The following TAF1C variants were observed in gnomAD, a reference collection of about 807,000 sequenced individuals.
The protein encoded by TAF1C is TATA-box binding protein associated factor, RNA polymerase I subunit C, also known as TATA box-binding protein-associated factor RNA polymerase I subunit C.
A neutral mutation model predicts 70.5 loss-of-function variants in TAF1C; 79 were observed. That is an observed-to-expected ratio of 1.12 (90% CI 0.93 to 1.35). TAF1C has a LOEUF of 1.35. Ranked by LOEUF, TAF1C falls within the 40% of genes most tolerant of loss-of-function variation. The pLI is 0.00. For synonymous variants in TAF1C, 614 were observed against 491.1 expected, an observed-to-expected ratio of 1.25 and a Z score of -3.31; for missense variants, 1,412 against 1,127.8, an observed-to-expected ratio of 1.25 and a Z score of -3.61.
rs770505773 is a variant in TAF1C, at chr16:84,183,401, C to T, written c.318+9G>A. 10 of 1,612,834 alleles carry T rather than the reference C, an allele frequency of 6.2e-6. No homozygotes were observed. The East Asian group carries it at 1.1e-4, about 18-fold the overall frequency. ...GCTACGCAGCACTGTCCCCCGTGGG[C>T]CCACTCACCTGCTCAGTCACATCCA... On this transcript the variant is annotated intron_variant, in intron 4 of 14. Coordinates refer to ENST00000566732, the MANE Select transcript of TAF1C (RefSeq NM_001243156.2).
chr16:84,185,094 T>C (rs535443477), intron 1 of TAF1C, 34 bp from the exon 2 acceptor site: 3 of 1,379,992 alleles, frequency 2.2e-6, no homozygotes, highest in Admixed American at 2.6e-5. Flanking sequence ...GGGAAGCATA[T>C]GTTCTTTGAG....
Position 84,179,433 on chromosome 16 carries a change from G to C in TAF1C, c.2040C>G (p.Pro680=). 1.3e-6 allele frequency: 2 copies of C among 1,597,076 alleles called. No individual in the cohort carries two copies. The highest frequency in any genetic ancestry group is 1.7e-6 in the Non-Finnish European group (2 of 1,177,248). The change falls in exon 15 of 15, where the codon CCC becomes CCG. Residue 680 remains proline (P), a synonymous_variant. Coordinates refer to ENST00000566732, the MANE Select transcript of TAF1C (RefSeq NM_001243156.2). ...CCTCTAGGCCTGACTCGGGTGCAGG[G>C]GGTGGCTCTGCCGCAGGGAGGGAGC... The part of the protein sequence containing the change: ...DLGSLPAAEP[P]PAPESGLEDK...
Position 84,181,440 on chromosome 16 carries a change from G to T in TAF1C, c.1052C>A (p.Pro351His). The change falls in exon 11 of 15, where the codon CCT (proline) becomes CAT (histidine). Residue 351 changes from proline (P) to histidine (H), a missense_variant. Pro to His is a moderately conservative substitution (Grantham distance 77, BLOSUM62 -2). Coordinates refer to ENST00000566732, the MANE Select transcript of TAF1C (RefSeq NM_001243156.2). Reference protein sequence around the residue: ...EDGLRQIYRDPETLVFRDSSS... With the variant: ...EDGLRQIYRDHETLVFRDSSS... ...GGAGTCCCGGAACACGAGGGTCTCA[G>T]GGTCCCTGTAGATTTGCCGCAGCCT... 6.2e-7 allele frequency: 1 copy of T among 1,613,834 alleles called. No homozygotes were observed. Among genetic ancestry groups the T allele is most frequent in the South Asian group, 1.1e-5 (1 of 91,084 alleles).
chr16:84,181,767 C>T lies in TAF1C; in HGVS notation c.935G>A (p.Gly312Glu), dbSNP rs747504666. ...TCACCTGAGGCTGATCCCCGTGGCC[C>T]CTTTCTCCACCTGCATTGCCTGCAG... Reference protein sequence around the residue: ...TLLQAMQVEKGATGISLSPHL... With the variant: ...TLLQAMQVEKEATGISLSPHL... Residue 312 changes from glycine to glutamate, a missense_variant, in exon 9 of 15, where the codon GGG (glycine) becomes GAG (glutamate). Transcript: ENST00000566732. The T allele has an allele frequency of 1.2e-6, 2 of 1,614,108 alleles. No individual in the cohort carries two copies. The highest frequency in any genetic ancestry group is 1.7e-6 in the Non-Finnish European group (2 of 1,179,986).
Position 84,182,565 on chromosome 16 carries a change from C to G in TAF1C, c.483-125G>C, listed in dbSNP as rs1190990581. 2.3e-6 allele frequency: 2 copies of G among 887,186 alleles called. No homozygotes were observed. The highest frequency in any genetic ancestry group is 3.4e-6 in the Non-Finnish European group (2 of 594,346). 55.0% of individuals were successfully genotyped at this position (887,186 alleles called of 1,614,324 possible). On this transcript the variant is annotated intron_variant, in intron 6 of 14. Transcript: ENST00000566732. This position sits in a 1 kb window ranked among gnomAD's most constrained non-coding sequence, Gnocchi z 5.0. ...ACCTAGAATTTCTTCCTTTGGGAGA[C>G]CACCCCATCCTGTTCCCATGCCCCG... is the stretch of plus-strand genomic sequence containing the variant.
rs927835368 is a variant in TAF1C, at chr16:84,178,272, T to C, written c.*669A>G. 2.2e-6 allele frequency: 1 copy of C among 452,244 alleles called. No individual in the cohort carries two copies. Among genetic ancestry groups the C allele is most frequent in the South Asian group, 1.6e-5 (1 of 63,744 alleles). The allele number at this position is 452,244 out of a possible 1,614,324, so 28.0% of individuals were successfully genotyped here. On this transcript the variant is annotated 3_prime_UTR_variant, in exon 15 of 15. Coordinates refer to ENST00000566732, the MANE Select transcript of TAF1C (RefSeq NM_001243156.2). The stretch of plus-strand genomic sequence containing the variant: ...CGACAGCCCACAGGTGCCAGACCCA[T>C]GTCCCAAGGGAGAAGGAACATCAGC...
intron 8 of TAF1C, 36 bp downstream of exon 8, chr16:84,181,906 G>T: frequency 1.2e-6 from 2 of 1,614,154 alleles, no homozygotes; most frequent in Non-Finnish European, 1.7e-6. Context: ...TAGCAGGTCA[G>T]CCAGTGAGGG....
rs776326579 is a variant in TAF1C, at chr16:84,181,599, C to T, written c.1021G>A (p.Glu341Lys). The change falls in exon 10 of 15, where the codon GAG becomes AAG. Residue 341 changes from glutamate (E) to lysine (K), a missense_variant. By Grantham distance (56) the Glu-to-Lys change is moderately conservative (BLOSUM62 1). Transcript: ENST00000566732. The stretch of plus-strand genomic sequence containing the variant: ...CACAGGAAGCGGCGATACCCATCCT[C>T]AGGGCTCCACAGGCAGACGGCTCCC... ...RSGAVCLWSPEDGLRQIYRDP... is the reference protein window; with the variant it reads ...RSGAVCLWSPKDGLRQIYRDP... The T allele has an allele frequency of 1.2e-5, 19 of 1,613,864 alleles. No individual in the cohort carries two copies. The highest frequency in any genetic ancestry group is 1.4e-5 in the Non-Finnish European group (17 of 1,179,988).
Position 84,182,939 on chromosome 16 carries a change from TA to T in TAF1C, c.482+136del. The stretch of plus-strand genomic sequence containing the variant: ...ATGATTTGGAGTTGGAAGTCTGGTA[TA>T]AGAAAGTACAGCTCAGACTGCATGG... On this transcript the variant is annotated intron_variant, in intron 6 of 14. Coordinates refer to ENST00000566732, the MANE Select transcript of TAF1C (RefSeq NM_001243156.2). The surrounding 1 kb of genome is among the most constrained non-coding windows in gnomAD (Gnocchi z 5.0). 1 of 833,808 alleles carries T rather than the reference TA, an allele frequency of 1.2e-6. No homozygotes were observed. The highest frequency in any genetic ancestry group is 1.9e-6 in the Non-Finnish European group (1 of 519,766). 51.7% of individuals were successfully genotyped at this position (833,808 alleles called of 1,614,324 possible).
chr16:84,185,066 G>T lies in TAF1C; in HGVS notation c.-72-6C>A. 6.5e-7 allele frequency: 1 copy of T among 1,529,128 alleles called. No homozygotes were observed. Among genetic ancestry groups the T allele is most frequent in the Non-Finnish European group, 8.8e-7 (1 of 1,134,250 alleles). The allele number at this position is 1,529,128 out of a possible 1,614,324, so 94.7% of individuals were successfully genotyped here. A position where few individuals can be genotyped will look rare whatever the true frequency, so the allele number is the denominator to read the frequency against. ...GGTAAGGGGCGCCAGAGTTCCTGAG[G>T]AGTGAAAAGTGCACTACGGGAAGCA... On this transcript the variant is annotated splice_polypyrimidine_tract_variant and splice_region_variant and intron_variant, in intron 1 of 14. Coordinates refer to ENST00000566732, the MANE Select transcript of TAF1C (RefSeq NM_001243156.2).
rs1316400902 is a variant in TAF1C at position 84,178,464 on chromosome 16, T to C, written c.*477A>G. Reference sequence around the variant, plus strand: ...AGGAAACATCAGACCGGGGCAGAGATTGACAAAGCAACCCACAACAGCAGC... The same window carrying C: ...AGGAAACATCAGACCGGGGCAGAGACTGACAAAGCAACCCACAACAGCAGC... On this transcript the variant is annotated 3_prime_UTR_variant, in exon 15 of 15. Coordinates refer to ENST00000566732, the MANE Select transcript of TAF1C (RefSeq NM_001243156.2). The C allele has an allele frequency of 1.1e-4, 52 of 459,086 alleles. 1 individual carries two copies. Among genetic ancestry groups the C allele is most frequent in the South Asian group, 7.0e-4 (45 of 64,574 alleles). 28.4% of individuals were successfully genotyped at this position (459,086 alleles called of 1,614,324 possible). A position where few individuals can be genotyped will look rare whatever the true frequency, so the allele number is the denominator to read the frequency against.
chr16:84,178,961 T>C lies in TAF1C; in HGVS notation c.2512A>G (p.Lys838Glu). 6.2e-7 allele frequency: 1 copy of C among 1,609,286 alleles called. No individual in the cohort carries two copies. The highest frequency in any genetic ancestry group is 8.5e-7 in the Non-Finnish European group (1 of 1,178,912). The change falls in exon 15 of 15, where the codon AAG (lysine) becomes GAG (glutamate). Residue 838 changes from lysine to glutamate, a missense_variant. Transcript: ENST00000566732. ...VLSSSQPLRK[K>E]PRMGF ...TGTCCTCAGAAGCCCATTCGAGGCT[T>C]CTTCCGGAGGGGCTGAGAGCTAGAG...
chr16:84,180,806 C>T (rs1239766902), intron 12 of TAF1C: 10 of 1,358,574 alleles, frequency 7.4e-6, no homozygotes, highest in Admixed American at 6.5e-5. Flanking sequence ...TCCCCTGCTC[C>T]ACCCCTGGCT....
chr16:84,180,984 T>C (rs1481014336), intron 12 of TAF1C, 59 bp downstream of exon 12: 1 of 1,542,468 alleles, frequency 6.5e-7, no homozygotes, highest in African/African-American at 1.4e-5. Context: ...AGCAGCAGCC[T>C]CTAGTGACCA....
intron 12 of TAF1C, 99 bp from the exon 13 acceptor site, chr16:84,180,443 C>T: frequency 4.0e-6 from 5 of 1,253,438 alleles, no homozygotes; most frequent in Non-Finnish European, 5.4e-6. Context: ...AGTGCAGAGC[C>T]CTGAGGGGCA....
rs758380870 is a variant in TAF1C, at chr16:84,181,377, C to T, written c.1115G>A (p.Arg372Gln). 23 of 1,613,678 alleles carry T rather than the reference C, an allele frequency of 1.4e-5. No individual in the cohort carries two copies. Among genetic ancestry groups the T allele is most frequent in the African/African-American group, 4.0e-5 (3 of 74,924 alleles). ...WRWADFTAHP[R>Q]VLTVGDRTGV... ...GGTGCGGTCACCCACGGTCAGCACC[C>T]GAGGGTGCGCAGTGAAGTCTGCCCA... The change falls in exon 11 of 15, where the codon CGG becomes CAG. Residue 372 changes from arginine (R) to glutamine (Q), a missense_variant. Physicochemically the swap from Arg to Gln is conservative, Grantham distance 43. Transcript: ENST00000566732.
At chr16:84,180,445 T>C in intron 12 of TAF1C, 101 bp from the exon 13 acceptor site, 1 of 1,230,680 alleles carries the variant, frequency 8.1e-7, no homozygotes, top group Non-Finnish European at 1.1e-6. Context: ...TGCAGAGCCC[T>C]GAGGGGCAGC....
chr16:84,185,078 C>G lies in TAF1C; in HGVS notation c.-72-18G>C. On this transcript the variant is annotated intron_variant, in intron 1 of 14. Transcript: ENST00000566732. ...CAGAGTTCCTGAGGAGTGAAAAGTG[C>G]ACTACGGGAAGCATATGTTCTTTGA... 6.8e-7 allele frequency: 1 copy of G among 1,463,676 alleles called. No individual in the cohort carries two copies. The highest frequency in any genetic ancestry group is 1.8e-4 in the Middle Eastern group (1 of 5,582). The allele number at this position is 1,463,676 out of a possible 1,614,324, so 90.7% of individuals were successfully genotyped here. A position where few individuals can be genotyped will look rare whatever the true frequency, so the allele number is the denominator to read the frequency against.
chr16:84,186,230 C>A (rs2151318118), intron 1 of TAF1C, among the ~76,000 whole-genome samples: 1 of 152,320 alleles, frequency 6.6e-6, no homozygotes, highest in African/African-American at 2.4e-5. Context: ...GAAATGCAAA[C>A]GCTAGCATTA....
Sources: gnomAD v4.1 joint callset for allele counts (sites outside exome capture counted in the v4.1 genomes callset) on GRCh38, gnomAD v4.1.1 for gene constraint, Gnocchi (gnomAD v3.1) non-coding constraint, MANE v1.5 for transcripts, NCBI Gene and HGNC (gene_info 2026-07-23, HGNC 2026-07-21) for gene names.